SCHIP1: variants seen among roughly 807,000 people sequenced by gnomAD.
The protein encoded by SCHIP1 is schwannomin interacting protein 1, also known as schwannomin-interacting protein 1.
In SCHIP1, 8 loss-of-function variants were observed where a neutral mutation model predicts 29.7. The observed-to-expected ratio is 0.27, with a 90% CI of 0.16 to 0.49. The LOEUF is 0.49. SCHIP1 is among the 20% of genes least tolerant of loss of function. SCHIP1 has a pLI of 0.99. For synonymous variants in SCHIP1, 76 were observed against 94.9 expected, an observed-to-expected ratio of 0.80 and a Z score of 1.16; for missense variants, 193 against 294.6, an observed-to-expected ratio of 0.66 and a Z score of 2.52.
the SCHIP1 span, chr3:159,764,355 G>A: frequency 3.5e-5 from 51 of 1,462,268 alleles, no homozygotes; most frequent in African/African-American, 6.2e-4. This position sits in a 1 kb window ranked among gnomAD's most constrained non-coding sequence, Gnocchi z 6.1. Context: ...CGCAGGGTGC[G>A]GGGCACTGAG....
At chr3:159,496,067 C>T in the SCHIP1 span, among the ~76,000 whole-genome samples, 1 of 152,188 alleles carries the variant, frequency 6.6e-6, no homozygotes, top group Admixed American at 6.5e-5. Flanking sequence ...AAAGCTGAAA[C>T]TGGATCCCTT....
chr3:159,485,175 C>T, the SCHIP1 span, among the ~76,000 whole-genome samples: 1 of 152,160 alleles, frequency 6.6e-6, no homozygotes, highest in African/African-American at 2.4e-5. Flanking sequence ...TTCCCAGAAT[C>T]ATCTCAGAAT....
chr3:159,401,744 T>C, the SCHIP1 span, among the ~76,000 whole-genome samples: 1 of 152,216 alleles, frequency 6.6e-6, no homozygotes, highest in Admixed American at 6.5e-5. Context: ...ATGTCCTGAA[T>C]GGTATTGCCT....
the SCHIP1 span, among the ~76,000 whole-genome samples, chr3:159,517,689 A>T: frequency 6.6e-6 from 1 of 151,942 alleles, no homozygotes; most frequent in Admixed American, 6.6e-5. Context: ...TACATAATAT[A>T]TATATATAGT....
chr3:159,694,348 C>T, the SCHIP1 span, among the ~76,000 whole-genome samples: 8 of 151,796 alleles, frequency 5.3e-5, no homozygotes, highest in African/African-American at 1.5e-4. Flanking sequence ...GGTGAAACCC[C>T]GTCTCTACCA....
chr3:159,582,275 A>T, the SCHIP1 span, among the ~76,000 whole-genome samples: 4 of 151,978 alleles, frequency 2.6e-5, no homozygotes, highest in Non-Finnish European at 5.9e-5. Context: ...GGCTCAAGAA[A>T]TCTCCCACCT....
chr3:159,568,777 T>C, the SCHIP1 span, among the ~76,000 whole-genome samples: 1 of 152,196 alleles, frequency 6.6e-6, no homozygotes, highest in Non-Finnish European at 1.5e-5. Context: ...ATATCCTTAA[T>C]GAATTTTTGT....
the SCHIP1 span, among the ~76,000 whole-genome samples, chr3:159,706,141 C>A: frequency 6.6e-6 from 1 of 152,262 alleles, no homozygotes; most frequent in South Asian, 2.1e-4. Context: ...TTTTGCTATT[C>A]CTTCTATCAA....
chr3:159,502,580 T>C, the SCHIP1 span, among the ~76,000 whole-genome samples: 7 of 152,138 alleles, frequency 4.6e-5, no homozygotes, highest in Non-Finnish European at 8.8e-5. Context: ...GCCATGTTGG[T>C]GTGCTGCACC....
chr3:159,643,977 G>A, the SCHIP1 span, among the ~76,000 whole-genome samples: 1 of 152,010 alleles, frequency 6.6e-6, no homozygotes, highest in Non-Finnish European at 1.5e-5. Context: ...CAGTAAATTT[G>A]AACATGCTCT....
the SCHIP1 span, among the ~76,000 whole-genome samples, chr3:159,379,424 T>C: frequency 1.3e-5 from 2 of 152,192 alleles, no homozygotes; most frequent in African/African-American, 2.4e-5. Flanking sequence ...GGTTTCACCA[T>C]GTTGGCCAGG....
At chr3:159,327,855 G>T in the SCHIP1 span, among the ~76,000 whole-genome samples, 1 of 152,170 alleles carries the variant, frequency 6.6e-6, no homozygotes, top group Non-Finnish European at 1.5e-5. Flanking sequence ...ACAGCAATGT[G>T]TGTTCTTCAA....
chr3:159,608,606 T>C, the SCHIP1 span, among the ~76,000 whole-genome samples: 2 of 152,214 alleles, frequency 1.3e-5, no homozygotes, highest in African/African-American at 4.8e-5. Context: ...AGTACTTCAA[T>C]ATTTGCAATG....
the SCHIP1 span, among the ~76,000 whole-genome samples, chr3:159,638,514 A>G: frequency 6.6e-6 from 1 of 152,214 alleles, no homozygotes; most frequent in African/African-American, 2.4e-5. Flanking sequence ...CCCCAAGCCC[A>G]AGTCAGAGTG....
rs1714057612 is a variant in SCHIP1 at position 159,861,513 on chromosome 3, C to T, written c.31-4650C>T. 6.6e-6 allele frequency among the ~76,000 whole-genome samples: 1 copy of T among 152,166 alleles called. No individual in the cohort carries two copies. The highest frequency in any genetic ancestry group is 1.5e-5 in the Non-Finnish European group (1 of 68,030). On this transcript the variant is annotated intron_variant, in intron 1 of 6. Coordinates refer to ENST00000445224, the Ensembl canonical transcript of SCHIP1. This position sits in a 1 kb window ranked among gnomAD's most constrained non-coding sequence, Gnocchi z 4.1. ...TCTGTTCTAAGATCATGGTGGCTTGCATGGCATCATTGAAAGTCATTGTGA... is the reference window on the plus strand; with the variant it reads ...TCTGTTCTAAGATCATGGTGGCTTGTATGGCATCATTGAAAGTCATTGTGA...
At chr3:159,644,067 AATATTCCAGGTATGTTTT>A in the SCHIP1 span, among the ~76,000 whole-genome samples, 1 of 152,182 alleles carries the variant, frequency 6.6e-6, no homozygotes, top group East Asian at 1.9e-4. Flanking sequence ...AAGTTAACAC[AATATTCCAGGTATGTTTT>A]GAGGGGCCCA....
chr3:159,689,043 C>A, the SCHIP1 span, among the ~76,000 whole-genome samples: 1 of 152,268 alleles, frequency 6.6e-6, no homozygotes, highest in African/African-American at 2.4e-5. Context: ...ATGCCTCCAG[C>A]TTTGTTCTTT....
At chr3:159,871,876 G>C (rs1031619715) in intron 2 of SCHIP1, among the ~76,000 whole-genome samples, 2 of 152,156 alleles carry the variant, frequency 1.3e-5, no homozygotes, top group Admixed American at 6.6e-5. Flanking sequence ...CAGGTGGTCA[G>C]GGCAGATAGC....
chr3:159,505,457 C>T, the SCHIP1 span, among the ~76,000 whole-genome samples: 1 of 151,944 alleles, frequency 6.6e-6, no homozygotes, highest in African/African-American at 2.4e-5. Context: ...ATTGTTGAGC[C>T]ATTATAATTT....
Sources: allele counts gnomAD v4.1 joint callset (sites outside exome capture counted in the v4.1 genomes callset), GRCh38; gene constraint gnomAD v4.1.1; non-coding constraint Gnocchi (gnomAD v3.1); transcripts MANE v1.5; gene names NCBI Gene and HGNC (gene_info 2026-07-23, HGNC 2026-07-21).